The following PPM1E variants were observed in gnomAD, a reference collection of about 807,000 sequenced individuals.
PPM1E encodes protein phosphatase 1E.
A neutral mutation model predicts 65.9 loss-of-function variants in PPM1E; 20 were observed. The ratio of observed to expected loss-of-function variants is 0.30; its 90% CI spans 0.21 to 0.44. The LOEUF is 0.44. Among genes scored for constraint, PPM1E ranks in the 20% least tolerant of loss-of-function variants. The probability of loss-of-function intolerance (pLI) is 1.00; values close to 1 mark genes in which losing one functional copy is unlikely to be tolerated. For synonymous variants in PPM1E, 352 were observed against 374.9 expected, an observed-to-expected ratio of 0.94 and a Z score of 0.70; for missense variants, 713 against 953.1, an observed-to-expected ratio of 0.75 and a Z score of 3.32.
chr17:58,972,986 A>AG, intron 6 of PPM1E, 61 bp downstream of exon 6: 47 of 1,167,484 alleles, frequency 4.0e-5, no homozygotes, highest in Non-Finnish European at 5.6e-5. Context: ...CTCCTGTATC[A>AG]ACTCTGATAC....
intron 1 of PPM1E, among the ~76,000 whole-genome samples, chr17:58,947,162 G>T (rs2052167109): frequency 8.3e-6 from 1 of 120,366 alleles, no homozygotes; most frequent in African/African-American, 3.3e-5. Flanking sequence ...CTGTTGCCCA[G>T]GCTTGAGTGT....
At position 58,899,586 on chromosome 17, in the gene PPM1E, G is replaced by A. The variant is rs148312146; in HGVS notation, c.465-56063G>A. On this transcript the variant is annotated intron_variant, in intron 1 of 6. Coordinates refer to ENST00000308249, the MANE Select transcript of PPM1E (RefSeq NM_014906.5). The stretch of plus-strand genomic sequence containing the variant: ...GCTTCTGTAAAATTGACAGAGGGGG[G>A]AAAACCCTGTAAAGTGGTTGGTTGC... 8.3e-3 allele frequency: 1,835 copies of A among 222,406 alleles called. 8 individuals are homozygous for A. The highest frequency in any genetic ancestry group is 0.013 in the Non-Finnish European group (1,398 of 105,034). The allele number at this position is 222,406 out of a possible 1,614,324, so 13.8% of individuals were successfully genotyped here.
At chr17:58,874,350 T>C (rs1336278156) in intron 1 of PPM1E, among the ~76,000 whole-genome samples, 1 of 152,186 alleles carries the variant, frequency 6.6e-6, no homozygotes, top group Admixed American at 6.5e-5. Context: ...TCTATCTTCA[T>C]GTATGGTCTG....
At chr17:58,765,179 C>CTTT (rs11298918) in intron 1 of PPM1E, among the ~76,000 whole-genome samples, 7 of 132,128 alleles carry the variant, frequency 5.3e-5, no homozygotes, top group Non-Finnish European at 8.1e-5. Flanking sequence ...TTCTTTCTTT[C>CTTT]TTTTTTTTTT....
At chr17:58,781,851 A>G (rs2050053537) in intron 1 of PPM1E, among the ~76,000 whole-genome samples, 1 of 151,910 alleles carries the variant, frequency 6.6e-6, no homozygotes, top group Non-Finnish European at 1.5e-5. Flanking sequence ...ACGCCTGTGC[A>G]CTCCAGCCTG....
intron 1 of PPM1E, among the ~76,000 whole-genome samples, chr17:58,871,110 C>T (rs1016690547): frequency 6.6e-6 from 1 of 152,162 alleles, no homozygotes; most frequent in African/African-American, 2.4e-5. Context: ...TTACAGCTCA[C>T]TGCAGCCTCG....
chr17:58,852,601 G>GTT (rs553606798), intron 1 of PPM1E, among the ~76,000 whole-genome samples: 1 of 133,606 alleles, frequency 7.5e-6, no homozygotes, highest in African/African-American at 2.9e-5. Context: ...TTCTTTTTTT[G>GTT]TTTTTTTTTG....
intron 1 of PPM1E, among the ~76,000 whole-genome samples, chr17:58,887,204 G>A (rs534756319): frequency 6.3e-5 from 8 of 127,212 alleles, no homozygotes; most frequent in South Asian, 4.8e-4. Flanking sequence ...TCACTGTGTC[G>A]CCCAGGCTGG....
chr17:58,773,453 C>A (rs1192671301), intron 1 of PPM1E, among the ~76,000 whole-genome samples: 1 of 152,154 alleles, frequency 6.6e-6, no homozygotes, highest in African/African-American at 2.4e-5. Context: ...GTTTCAAATG[C>A]TGTATCTTAC....
rs764455428 is a variant in PPM1E at position 58,982,241 on chromosome 17, T to C, written c.*1210T>C. The C allele has an allele frequency of 2.0e-5, 3 of 152,596 alleles. No individual in the cohort carries two copies. Among genetic ancestry groups the C allele is most frequent in the Non-Finnish European group, 2.9e-5 (2 of 68,056 alleles). 9.5% of individuals were successfully genotyped at this position (152,596 alleles called of 1,614,324 possible). On this transcript the variant is annotated 3_prime_UTR_variant, in exon 7 of 7. Transcript: ENST00000308249. ...TGCTTTTCATTTCAATATTTAGTTA[T>C]ATTTGATATTTTGAAACTGTCTGCT...
chr17:58,809,455 C>T (rs144368957), intron 1 of PPM1E, among the ~76,000 whole-genome samples: 104 of 152,120 alleles, frequency 6.8e-4, no homozygotes, highest in African/African-American at 2.2e-3. Context: ...TGCAGTGGCG[C>T]GGCTTAACTG....
chr17:58,931,239 A>G (rs1473996113), intron 1 of PPM1E, among the ~76,000 whole-genome samples: 7 of 152,150 alleles, frequency 4.6e-5, no homozygotes, highest in South Asian at 4.1e-4. Context: ...ATACAAAATT[A>G]ACCAGGCATG....
At chr17:58,758,130 T>C (rs2049786776) in intron 1 of PPM1E, among the ~76,000 whole-genome samples, 1 of 152,184 alleles carries the variant, frequency 6.6e-6, no homozygotes, top group African/African-American at 2.4e-5. Flanking sequence ...CTTTAGAAAG[T>C]GTCCAAATAA....
At chr17:58,979,570 C>T (rs61269102) in intron 6 of PPM1E, among the ~76,000 whole-genome samples, 3,498 of 152,294 alleles carry the variant, frequency 0.023, 127 homozygotes, top group African/African-American at 0.08. Flanking sequence ...TTTCAAATTT[C>T]AATTAAATCA....
At chr17:58,779,690 A>G (rs1287120147) in intron 1 of PPM1E, among the ~76,000 whole-genome samples, 1 of 152,208 alleles carries the variant, frequency 6.6e-6, no homozygotes, top group East Asian at 1.9e-4. Context: ...CTGTATTTAC[A>G]AAAGTAATTA....
At chr17:58,790,893 A>AT (rs1472966120) in intron 1 of PPM1E, among the ~76,000 whole-genome samples, 24 of 93,882 alleles carry the variant, frequency 2.6e-4, no homozygotes, top group African/African-American at 3.7e-4. Context: ...AGAGATAATA[A>AT]ATTTTTTTTT....
intron 3 of PPM1E, among the ~76,000 whole-genome samples, chr17:58,968,636 C>T (rs898442402): frequency 2.6e-5 from 4 of 152,128 alleles, no homozygotes; most frequent in African/African-American, 4.8e-5. Flanking sequence ...AAAATTATTA[C>T]ATACTGTTGC....
intron 1 of PPM1E, among the ~76,000 whole-genome samples, chr17:58,918,890 C>T (rs1320274750): frequency 6.7e-6 from 1 of 149,814 alleles, no homozygotes; most frequent in African/African-American, 2.5e-5. Flanking sequence ...CAGAATTAGC[C>T]AAAGCTTTGC....
chr17:58,867,779 C>T (rs182707339), intron 1 of PPM1E, among the ~76,000 whole-genome samples: 2 of 152,208 alleles, frequency 1.3e-5, no homozygotes, highest in Admixed American at 1.3e-4. Flanking sequence ...AATACACTTC[C>T]CCCTTTTGAG....
Sources: allele counts gnomAD v4.1 joint callset (sites outside exome capture counted in the v4.1 genomes callset), GRCh38; gene constraint gnomAD v4.1.1; transcripts MANE v1.5; gene names NCBI Gene and HGNC (gene_info 2026-07-23, HGNC 2026-07-21).